The following RHOU variants were observed in gnomAD, a reference collection of about 807,000 sequenced individuals.
RHOU encodes rho-related GTP-binding protein RhoU.
In RHOU, 8 loss-of-function variants were observed where a neutral mutation model predicts 12.6. The observed-to-expected ratio is 0.64, with a 90% CI of 0.37 to 1.15. The LOEUF is 1.15. RHOU is among the 50% of genes most tolerant of loss of function. The pLI, the probability that RHOU is intolerant of heterozygous loss-of-function variation, is 0.01. For synonymous variants in RHOU, 161 were observed against 147.4 expected (o/e 1.09, Z -0.67); for missense variants, 258 against 347.0 (o/e 0.74, Z 2.04).
At chr1:228,646,744 A>T in the RHOU span, among the ~76,000 whole-genome samples, 2 of 151,960 alleles carry the variant, frequency 1.3e-5, no homozygotes, top group Non-Finnish European at 2.9e-5. Context: ...CCCCACACAC[A>T]GACACACCCG....
chr1:228,725,586 C>T, the RHOU span, among the ~76,000 whole-genome samples: 1,118 of 152,272 alleles, frequency 7.3e-3, 4 homozygotes, highest in Non-Finnish European at 1.0e-2. Context: ...GGCTGAGCAC[C>T]GTGGGCAGAA....
the RHOU span, among the ~76,000 whole-genome samples, chr1:228,715,500 T>C: frequency 6.6e-6 from 1 of 152,172 alleles, no homozygotes; most frequent in Non-Finnish European, 1.5e-5. Context: ...TTTGGTAATA[T>C]TGGTAGAATA....
the RHOU span, among the ~76,000 whole-genome samples, chr1:228,667,122 A>C: frequency 6.6e-6 from 1 of 152,218 alleles, no homozygotes; most frequent in African/African-American, 2.4e-5. Flanking sequence ...GCTTGCTATC[A>C]GTTCACCTGA....
chr1:228,674,334 A>C, the RHOU span, among the ~76,000 whole-genome samples: 3 of 144,680 alleles, frequency 2.1e-5, no homozygotes, highest in Non-Finnish European at 4.5e-5. Context: ...TCTTTTCCTT[A>C]GTGTTTAGTA....
chr1:228,662,022 T>A, the RHOU span, among the ~76,000 whole-genome samples: 5 of 152,176 alleles, frequency 3.3e-5, no homozygotes, highest in Admixed American at 6.5e-5. Flanking sequence ...GGACAAAGTA[T>A]ATGAACAGAC....
At chr1:228,681,195 A>G in the RHOU span, among the ~76,000 whole-genome samples, 3 of 152,222 alleles carry the variant, frequency 2.0e-5, no homozygotes, top group Non-Finnish European at 4.4e-5. Context: ...TACTCTGACT[A>G]TGCCTTCAGC....
the RHOU span, among the ~76,000 whole-genome samples, chr1:228,653,513 T>C: frequency 2.0e-4 from 30 of 152,334 alleles, no homozygotes; most frequent in Admixed American, 4.6e-4. Flanking sequence ...GAGATGGGGT[T>C]TCTCCATGTT....
chr1:228,716,626 T>C, the RHOU span, among the ~76,000 whole-genome samples: 1 of 152,176 alleles, frequency 6.6e-6, no homozygotes, highest in East Asian at 1.9e-4. Context: ...CAGCACTTAT[T>C]ACAGTGGTCA....
the RHOU span, among the ~76,000 whole-genome samples, chr1:228,671,236 C>T: frequency 0.16 from 24,340 of 152,066 alleles, 2,113 homozygotes; most frequent in South Asian, 0.22. Flanking sequence ...AACTCCTGAC[C>T]TCAGGTGATC....
At chr1:228,653,473 C>T in the RHOU span, among the ~76,000 whole-genome samples, 1 of 152,194 alleles carries the variant, frequency 6.6e-6, no homozygotes, top group African/African-American at 2.4e-5. Flanking sequence ...GCATGCTCCA[C>T]CATGCCCAGC....
At chr1:228,683,869 A>C in the RHOU span, among the ~76,000 whole-genome samples, 1 of 152,194 alleles carries the variant, frequency 6.6e-6, no homozygotes, top group Non-Finnish European at 1.5e-5. Flanking sequence ...CCTGTGCAGC[A>C]TGGGAGGGAG....
the RHOU span, among the ~76,000 whole-genome samples, chr1:228,721,039 C>T: frequency 2.6e-5 from 4 of 152,216 alleles, no homozygotes; most frequent in South Asian, 2.1e-4. Context: ...CGGTGGCTCA[C>T]GCCTGTAATC....
chr1:228,705,017 GTC>G, the RHOU span, among the ~76,000 whole-genome samples: 1 of 151,528 alleles, frequency 6.6e-6, no homozygotes, highest in Non-Finnish European at 1.5e-5. Context: ...GGCCAGGCTG[GTC>G]TTGAACTCCT....
At chr1:228,665,841 G>C in the RHOU span, among the ~76,000 whole-genome samples, 1 of 152,154 alleles carries the variant, frequency 6.6e-6, no homozygotes, top group Non-Finnish European at 1.5e-5. Context: ...CTTCTACCCT[G>C]GGAGAAAGCA....
the RHOU span, among the ~76,000 whole-genome samples, chr1:228,668,362 C>T: frequency 3.2e-4 from 49 of 152,286 alleles, no homozygotes; most frequent in East Asian, 9.1e-3. Context: ...GTGGAAATCC[C>T]CAATTTATAG....
chr1:228,660,288 T>C, the RHOU span, among the ~76,000 whole-genome samples: 2 of 149,036 alleles, frequency 1.3e-5, no homozygotes, highest in Non-Finnish European at 3.0e-5. Context: ...AAATTGAAAA[T>C]CTGAATAGAC....
upstream of RHOU, chr1:228,735,051 C>T (rs1364104974): frequency 3.3e-5 from 5 of 152,212 alleles, no homozygotes; most frequent in Non-Finnish European, 7.3e-5. This position sits in a 1 kb window ranked among gnomAD's most constrained non-coding sequence, Gnocchi z 8.1. Context: ...TCATTTTTCC[C>T]CCTGGGTGGA....
At chr1:228,687,745 G>A in the RHOU span, 1 of 1,424,420 alleles carries the variant, frequency 7.0e-7, no homozygotes, top group Non-Finnish European at 9.8e-7. Flanking sequence ...ACCAACTTGT[G>A]CAAGATGGGA....
the RHOU span, among the ~76,000 whole-genome samples, chr1:228,707,510 G>A: frequency 6.6e-6 from 1 of 151,376 alleles, no homozygotes; most frequent in African/African-American, 2.4e-5. Context: ...CCTGACCCCC[G>A]AGCAGCCTAA....
Sources: gnomAD v4.1 joint callset for allele counts (sites outside exome capture counted in the v4.1 genomes callset) on GRCh38, gnomAD v4.1.1 for gene constraint, Gnocchi (gnomAD v3.1) non-coding constraint, MANE v1.5 for transcripts, NCBI Gene and HGNC (gene_info 2026-07-23, HGNC 2026-07-21) for gene names.